Variants in WDR43 observed in about 807,000 individuals in gnomAD.
WDR43 encodes the protein WD repeat domain 43.
In WDR43, 13 loss-of-function variants were observed where a neutral mutation model predicts 91.4. The ratio of observed to expected loss-of-function variants is 0.14; its 90% CI spans 0.09 to 0.23. The LOEUF (loss-of-function observed/expected upper bound fraction) is 0.23, where lower values mean the gene tolerates loss of function less well. WDR43 is among the 10% of genes least tolerant of loss of function. WDR43 has a pLI of 1.00. For missense variants in WDR43, 780 were observed against 809.4 expected (o/e 0.96, Z 0.44); for synonymous variants, 331 against 287.9 (o/e 1.15, Z -1.51).
At chr2:28,933,437 A>G (rs549656701) in intron 11 of WDR43, among the ~76,000 whole-genome samples, 5 of 152,334 alleles carry the variant, frequency 3.3e-5, no homozygotes, top group African/African-American at 9.6e-5. Context: ...ACTTCTGGGA[A>G]AAAACAGGAG....
intron 2 of WDR43, 97 bp downstream of exon 2, chr2:28,902,221 C>T: frequency 1.5e-6 from 2 of 1,341,512 alleles, no homozygotes; most frequent in Non-Finnish European, 2.0e-6. Context: ...GTGATGGGAT[C>T]TGTGCAGTAG....
chr2:28,929,909 A>G (rs1478051041), intron 11 of WDR43, 199 bp downstream of exon 11: 2 of 613,768 alleles, frequency 3.3e-6, no homozygotes, highest in African/African-American at 3.7e-5. Context: ...GCATTGAGTT[A>G]TTTTGAACCT....
At chr2:28,895,618 G>A (rs575922911) in intron 1 of WDR43, among the ~76,000 whole-genome samples, 1 of 152,158 alleles carries the variant, frequency 6.6e-6, no homozygotes, top group Non-Finnish European at 1.5e-5. Context: ...GGATGTGGAG[G>A]TTAAGTGAAG....
At chr2:28,941,113 G>C (rs1213607216) in intron 14 of WDR43, among the ~76,000 whole-genome samples, 1 of 152,194 alleles carries the variant, frequency 6.6e-6, no homozygotes, top group East Asian at 1.9e-4. Flanking sequence ...TTAGCCTGGA[G>C]ATACGTGGTA....
At chr2:28,923,952 A>G (rs1054079560) in intron 7 of WDR43, among the ~76,000 whole-genome samples, 5 of 152,122 alleles carry the variant, frequency 3.3e-5, no homozygotes, top group African/African-American at 1.2e-4. Flanking sequence ...AATAGACTAT[A>G]GAGGGTGAAA....
At chr2:28,902,237 G>A in intron 2 of WDR43, 113 bp downstream of exon 2, 4 of 1,099,566 alleles carry the variant, frequency 3.6e-6, no homozygotes, top group Non-Finnish European at 5.0e-6. Flanking sequence ...AGTAGGGACA[G>A]TTTTCAGTCT....
intron 3 of WDR43, among the ~76,000 whole-genome samples, chr2:28,908,451 G>A (rs1305781255): frequency 1.3e-5 from 2 of 152,188 alleles, no homozygotes; most frequent in African/African-American, 4.8e-5. Flanking sequence ...AATGCCTGCA[G>A]AGGTTCTGAT....
At chr2:28,910,350 T>C (rs1395115903) in intron 3 of WDR43, among the ~76,000 whole-genome samples, 2 of 152,156 alleles carry the variant, frequency 1.3e-5, no homozygotes. Flanking sequence ...TGAATGTAAA[T>C]GAGAATTGAA....
At chr2:28,935,242 G>A (rs1232426080) in intron 11 of WDR43, among the ~76,000 whole-genome samples, 2 of 152,058 alleles carry the variant, frequency 1.3e-5, no homozygotes, top group South Asian at 2.1e-4. Context: ...GTATTCAAAC[G>A]TCTAGAGATG....
chr2:28,903,021 G>A (rs116120296), intron 2 of WDR43, among the ~76,000 whole-genome samples: 275 of 152,148 alleles, frequency 1.8e-3, no homozygotes, highest in Non-Finnish European at 3.3e-3. Context: ...GTCTGTCGCC[G>A]AGAGGTCCTC....
At chr2:28,924,938 C>A (rs1423651562) in intron 7 of WDR43, 44 bp from the exon 8 acceptor site, 8 of 1,581,698 alleles carry the variant, frequency 5.1e-6, no homozygotes, top group Non-Finnish European at 6.9e-6. Context: ...TAGTATGAGA[C>A]GTTTTTTCAA....
At chr2:28,920,618 T>A (rs1671006003) in intron 6 of WDR43, among the ~76,000 whole-genome samples, 1 of 152,182 alleles carries the variant, frequency 6.6e-6, no homozygotes, top group Admixed American at 6.5e-5. Flanking sequence ...GAAAAATCAC[T>A]TTCCTTGGAG....
At chr2:28,925,564 T>A (rs1466191035) in intron 8 of WDR43, among the ~76,000 whole-genome samples, 1 of 152,214 alleles carries the variant, frequency 6.6e-6, no homozygotes, top group Non-Finnish European at 1.5e-5. Flanking sequence ...AATAATAGGA[T>A]CTCTTAGTAT....
At chr2:28,913,036 T>C (rs932701380) in intron 4 of WDR43, among the ~76,000 whole-genome samples, 4 of 145,428 alleles carry the variant, frequency 2.8e-5, no homozygotes. Context: ...CACTGCAAGC[T>C]CCGCCTCCCA....
intron 10 of WDR43, 54 bp downstream of exon 10, chr2:28,927,754 A>G: frequency 6.2e-7 from 1 of 1,607,538 alleles, no homozygotes; most frequent in Non-Finnish European, 8.5e-7. Flanking sequence ...AATTACTGGG[A>G]AATTCTAACA....
chr2:28,917,408 T>C (rs1162482650), intron 5 of WDR43, among the ~76,000 whole-genome samples: 1 of 152,202 alleles, frequency 6.6e-6, no homozygotes, highest in African/African-American at 2.4e-5. Context: ...TCTCCCCAAA[T>C]TGACCTACAG....
intron 7 of WDR43, 141 bp downstream of exon 7, chr2:28,923,124 T>G: frequency 1.5e-6 from 1 of 688,582 alleles, no homozygotes; most frequent in South Asian, 2.1e-5. Flanking sequence ...TCCACATGAC[T>G]ATATACATTG....
Position 28,929,686 on chromosome 2 carries a change from A to G in WDR43, c.1413A>G (p.Glu471=). Residue 471 remains glutamate (E), a synonymous_variant, in exon 11 of 18, where the codon GAA becomes GAG. Coordinates refer to ENST00000407426, the MANE Select transcript of WDR43 (RefSeq NM_015131.3). The part of the protein sequence containing the change: ...SFPVLLTQGL[E]SNDFEMLNKV... ...CAGTTCTTCTTACCCAGGGCTTAGA[A>G]AGTAACGATTTTGAAATGCTAAATG... is the stretch of plus-strand genomic sequence containing the variant. The G allele has an allele frequency of 3.7e-6, 6 of 1,613,262 alleles. No homozygotes were observed. The highest frequency in any genetic ancestry group is 5.1e-6 in the Non-Finnish European group (6 of 1,179,630).
At chr2:28,901,900 T>A in intron 1 of WDR43, 87 bp from the exon 2 acceptor site, 1 of 1,300,724 alleles carries the variant, frequency 7.7e-7, no homozygotes. Flanking sequence ...ATGTCTTTTG[T>A]GGGCTGGTGG....
Sources: allele counts gnomAD v4.1 joint callset (sites outside exome capture counted in the v4.1 genomes callset), GRCh38; gene constraint gnomAD v4.1.1; transcripts MANE v1.5; gene names NCBI Gene and HGNC (gene_info 2026-07-23, HGNC 2026-07-21).